OTUD7A: variants seen among roughly 807,000 people sequenced by gnomAD.
OTUD7A encodes the protein OTU deubiquitinase 7A.
In OTUD7A, 12 loss-of-function variants were observed where a neutral mutation model predicts 65.7. The ratio of observed to expected loss-of-function variants is 0.18; its 90% confidence interval spans 0.12 to 0.30. OTUD7A has a LOEUF of 0.30. Ranked by LOEUF, OTUD7A falls within the 10% of genes least tolerant of loss-of-function variation. The pLI, the probability that OTUD7A is intolerant of heterozygous loss-of-function variation, is 1.00. For missense variants in OTUD7A, 1,148 were observed against 1,304.8 expected (o/e 0.88, Z 1.85); for synonymous variants, 641 against 586.3 (o/e 1.09, Z -1.35).
chr15:31,480,636 G>A lies in OTUD7A; in HGVS notation c.*2658C>T, dbSNP rs532673919. 6.6e-6 allele frequency: 1 copy of A among 151,054 alleles called. No individual in the cohort carries two copies. The highest frequency in any genetic ancestry group is 6.6e-5 in the Admixed American group (1 of 15,218). The allele number at this position is 151,054 out of a possible 1,614,324, so 9.4% of individuals were successfully genotyped here. A position where few individuals can be genotyped will look rare whatever the true frequency, so the allele number is the denominator to read the frequency against. On this transcript the variant is annotated 3_prime_UTR_variant, in exon 13 of 13. Transcript: ENST00000307050. ...CTGCTGAAGTTGGTCTCTGGCCAGGGACGAGGTCTACACGCCTCTTCTCAA... is the reference window on the plus strand; with the variant it reads ...CTGCTGAAGTTGGTCTCTGGCCAGGAACGAGGTCTACACGCCTCTTCTCAA...
At chr15:31,835,815 TACACACACAG>T (rs1203617436) in intron 1 of OTUD7A, among the ~76,000 whole-genome samples, 1 of 152,010 alleles carries the variant, frequency 6.6e-6, no homozygotes, top group Admixed American at 6.5e-5. Flanking sequence ...TATGTAAACA[TACACACACAG>T]ACACACACAC....
At chr15:31,574,196 T>TA (rs1180545506) in intron 3 of OTUD7A, among the ~76,000 whole-genome samples, 1 of 152,108 alleles carries the variant, frequency 6.6e-6, no homozygotes, top group Non-Finnish European at 1.5e-5. Context: ...TACTAGTGGT[T>TA]AAAAAAGTAA....
chr15:31,609,131 A>G (rs1448447778), intron 3 of OTUD7A, among the ~76,000 whole-genome samples: 1 of 152,204 alleles, frequency 6.6e-6, no homozygotes, highest in Non-Finnish European at 1.5e-5. Context: ...CTTGCCTGTC[A>G]CCACAGGGAT....
chr15:31,630,513 T>A (rs1891109948), intron 3 of OTUD7A, among the ~76,000 whole-genome samples: 1 of 152,322 alleles, frequency 6.6e-6, no homozygotes, highest in East Asian at 1.9e-4. Flanking sequence ...TACTTCCAAC[T>A]ATGTGGTCAA....
chr15:31,650,143 G>A (rs2141272575), intron 3 of OTUD7A, among the ~76,000 whole-genome samples: 1 of 97,194 alleles, frequency 1.0e-5, no homozygotes, highest in Non-Finnish European at 1.9e-5. Context: ...AAGTCATCAG[G>A]CCAGGCAAAC....
intron 3 of OTUD7A, among the ~76,000 whole-genome samples, chr15:31,651,183 C>T (rs1430790051): frequency 1.4e-5 from 2 of 145,318 alleles, no homozygotes; most frequent in Non-Finnish European, 3.0e-5. Flanking sequence ...AGCTGAAAGT[C>T]TGGTTTACCA....
At chr15:31,750,967 AAAATCCTAG>A (rs1321264041) in intron 1 of OTUD7A, among the ~76,000 whole-genome samples, 2 of 152,202 alleles carry the variant, frequency 1.3e-5, no homozygotes, top group Non-Finnish European at 2.9e-5. Flanking sequence ...TCAAACTATA[AAAATCCTAG>A]AAGAAAACCT....
intron 3 of OTUD7A, among the ~76,000 whole-genome samples, chr15:31,627,128 T>C (rs1238728665): frequency 6.6e-6 from 1 of 151,964 alleles, no homozygotes. Flanking sequence ...TTAGGGTACA[T>C]GTGCACAATG....
chr15:31,768,324 G>C, intron 1 of OTUD7A: 1 of 614,080 alleles, frequency 1.6e-6, no homozygotes, highest in Non-Finnish European at 2.9e-6. Context: ...AGCATAGAGG[G>C]CTGCGTGGAT....
At chr15:31,775,576 T>G (rs73378693) in intron 1 of OTUD7A, among the ~76,000 whole-genome samples, 1 of 152,216 alleles carries the variant, frequency 6.6e-6, no homozygotes, top group Non-Finnish European at 1.5e-5. Context: ...GAAGATCAAC[T>G]GTGCAGATAT....
chr15:31,521,046 A>G (rs1339692063), intron 8 of OTUD7A, among the ~76,000 whole-genome samples: 1 of 152,238 alleles, frequency 6.6e-6, no homozygotes, highest in Non-Finnish European at 1.5e-5. Context: ...CAAATACTGC[A>G]TGTTCTCACT....
chr15:31,483,464 T>C lies in OTUD7A; in HGVS notation c.2632A>G (p.Thr878Ala). The part of the protein sequence containing the change: ...GLEFADADAP[T>A]ARSNGECGRG... ...CCGCACTCACCGTTCGAGCGCGCGG[T>C]CGGCGCGTCGGCGTCGGCGAACTCC... The change falls in exon 13 of 13, where the codon ACC (threonine) becomes GCC (alanine). Residue 878 changes from threonine (T) to alanine (A), a missense_variant. Coordinates refer to ENST00000307050, the MANE Select transcript of OTUD7A (RefSeq NM_001382637.1). 1 of 1,379,388 alleles carries C rather than the reference T, an allele frequency of 7.2e-7. No homozygotes were observed. The allele number at this position is 1,379,388 out of a possible 1,614,324, so 85.4% of individuals were successfully genotyped here.
chr15:31,816,179 G>A (rs1276251545), intron 1 of OTUD7A, among the ~76,000 whole-genome samples: 1 of 151,720 alleles, frequency 6.6e-6, no homozygotes, highest in Non-Finnish European at 1.5e-5. Flanking sequence ...GCCCTGGAAT[G>A]CTTTTCATCC....
At chr15:31,856,909 T>C (rs1446556577) in intron 1 of OTUD7A, among the ~76,000 whole-genome samples, 1 of 152,202 alleles carries the variant, frequency 6.6e-6, no homozygotes, top group Non-Finnish European at 1.5e-5. Flanking sequence ...CAGAGCGCTG[T>C]CACTGGGCCA....
At chr15:31,509,274 ATT>A in intron 8 of OTUD7A, among the ~76,000 whole-genome samples, 1 of 151,890 alleles carries the variant, frequency 6.6e-6, no homozygotes, top group East Asian at 1.9e-4. Flanking sequence ...ATATTTTTAA[ATT>A]TGTTTAAACT....
intron 3 of OTUD7A, among the ~76,000 whole-genome samples, chr15:31,632,790 C>A (rs1223589399): frequency 1.3e-5 from 1 of 79,374 alleles, no homozygotes; most frequent in Non-Finnish European, 2.4e-5. Flanking sequence ...AGCTTCCCGG[C>A]TGCTTTGTTT....
At chr15:31,789,538 C>T (rs1294270069) in intron 1 of OTUD7A, among the ~76,000 whole-genome samples, 2 of 152,176 alleles carry the variant, frequency 1.3e-5, no homozygotes, top group Admixed American at 1.3e-4. Context: ...CAGTTCAGTG[C>T]TGTTGAGGCT....
chr15:31,721,525 T>C (rs1349293732), intron 1 of OTUD7A, among the ~76,000 whole-genome samples: 1 of 151,954 alleles, frequency 6.6e-6, no homozygotes, highest in African/African-American at 2.4e-5. Flanking sequence ...TCCCTTACAG[T>C]GGTCTTCAGC....
intron 4 of OTUD7A, among the ~76,000 whole-genome samples, chr15:31,563,833 CCCAAATGACAACAT>C (rs1888774222): frequency 6.6e-6 from 1 of 152,182 alleles, no homozygotes. Context: ...ACTTCTAGAG[CCCAAATGACAACAT>C]CTAAGGCTCT....
Sources: allele counts gnomAD v4.1 joint callset (sites outside exome capture counted in the v4.1 genomes callset), GRCh38; gene constraint gnomAD v4.1.1; transcripts MANE v1.5; gene names NCBI Gene and HGNC (gene_info 2026-07-23, HGNC 2026-07-21).